Variants in SH3GL3 observed in about 807,000 individuals in gnomAD.
SH3GL3 encodes SH3 domain containing GRB2 like 3, endophilin A3.
Under a neutral mutation model 47.7 loss-of-function variants are expected in SH3GL3, and 33 were observed. The observed-to-expected ratio is 0.69, with a 90% confidence interval of 0.52 to 0.92. The LOEUF is 0.92. Ranked by LOEUF, SH3GL3 falls within the 40% of genes least tolerant of loss-of-function variation. The pLI, the probability that SH3GL3 is intolerant of heterozygous loss-of-function variation, is 0.00. For missense variants in SH3GL3, 363 were observed against 417.8 expected (o/e 0.87, Z 1.14); for synonymous variants, 155 against 148.8 (o/e 1.04, Z -0.30).
chr15:83,517,815 G>A (rs777314685), intron 1 of SH3GL3, among the ~76,000 whole-genome samples: 12 of 151,910 alleles, frequency 7.9e-5, no homozygotes, highest in African/African-American at 1.2e-4. Flanking sequence ...ATTGCATGAC[G>A]CTGAGGTTTG....
chr15:83,457,907 T>C (rs551673877), intron 1 of SH3GL3, among the ~76,000 whole-genome samples: 6 of 152,352 alleles, frequency 3.9e-5, no homozygotes, highest in African/African-American at 1.4e-4. Flanking sequence ...ACTCATGGTA[T>C]CACTTGGAAT....
At chr15:83,594,011 G>C (rs1176870919) in intron 8 of SH3GL3, among the ~76,000 whole-genome samples, 2 of 152,086 alleles carry the variant, frequency 1.3e-5, no homozygotes, top group Non-Finnish European at 2.9e-5. Context: ...TAGAGATGAG[G>C]ATTCACCCTG....
intron 1 of SH3GL3, among the ~76,000 whole-genome samples, chr15:83,529,489 C>G (rs541760544): frequency 9.2e-5 from 14 of 151,894 alleles, no homozygotes; most frequent in Non-Finnish European, 1.5e-4. Context: ...CCCAGGAGTA[C>G]AAAGATACCA....
intron 8 of SH3GL3, among the ~76,000 whole-genome samples, chr15:83,603,977 A>C (rs2060452932): frequency 6.6e-6 from 1 of 152,096 alleles, no homozygotes; most frequent in Admixed American, 6.6e-5. Context: ...TCTACTAAAA[A>C]TACAAAATTA....
intron 1 of SH3GL3, among the ~76,000 whole-genome samples, chr15:83,505,019 C>T (rs1286918220): frequency 6.6e-6 from 1 of 152,088 alleles, no homozygotes; most frequent in African/African-American, 2.4e-5. Flanking sequence ...GGTCTTATCT[C>T]GATATTAGGC....
At chr15:83,586,864 T>G (rs943862069) in intron 6 of SH3GL3, 119 bp from the exon 7 acceptor site, 4 of 512,984 alleles carry the variant, frequency 7.8e-6, no homozygotes, top group Non-Finnish European at 1.1e-5. Flanking sequence ...TTAAATGAAA[T>G]GGACCAAGGC....
chr15:83,608,228 T>C (rs1182202532), intron 8 of SH3GL3, among the ~76,000 whole-genome samples: 3 of 152,206 alleles, frequency 2.0e-5, no homozygotes, highest in East Asian at 3.8e-4. Context: ...CTGTTATTTC[T>C]AGAAAGACAG....
chr15:83,571,308 G>A (rs548493928), intron 4 of SH3GL3, among the ~76,000 whole-genome samples: 2 of 152,332 alleles, frequency 1.3e-5, no homozygotes, highest in Admixed American at 6.5e-5. Flanking sequence ...CTGACATTGT[G>A]AGACACTGGC....
chr15:83,529,611 G>T (rs1311312049), intron 1 of SH3GL3, among the ~76,000 whole-genome samples: 1 of 151,242 alleles, frequency 6.6e-6, no homozygotes, highest in South Asian at 2.1e-4. Context: ...CCTTCTGATG[G>T]TATGCACGAG....
rs913185652 is a variant in SH3GL3, at chr15:83,591,804, GC to G, written c.838+3039del. Among the ~76,000 whole-genome samples the G allele has an allele frequency of 2.6e-5, 4 of 152,134 alleles. No homozygotes were observed. In the East Asian group the frequency reaches 7.7e-4, roughly 29 times the overall value. ...GGGTTCAGGCCATTCTCCTGCCTCG[GC>G]CCCCCGAGTAGCTGAGACTACAGGC... On this transcript the variant is annotated intron_variant, in intron 8 of 8. Transcript: ENST00000427482.
chr15:83,585,933 G>GA lies in SH3GL3; in HGVS notation c.625-1048dup, dbSNP rs1596310655. On this transcript the variant is annotated intron_variant, in intron 6 of 8. Coordinates refer to ENST00000427482, the MANE Select transcript of SH3GL3 (RefSeq NM_003027.5). The stretch of plus-strand genomic sequence containing the variant: ...ACAAATGAAAGTAGCTTGGATCTTT[G>GA]AAGGCTAAGTCCATGGTTGGTTAGG... Among the ~76,000 whole-genome samples, 6 of 152,338 alleles carry GA rather than the reference G, an allele frequency of 3.9e-5. No homozygotes were observed. In the East Asian group the frequency reaches 1.2e-3, roughly 29 times the overall value.
chr15:83,483,274 C>T (rs2041449562), intron 1 of SH3GL3, among the ~76,000 whole-genome samples: 1 of 152,192 alleles, frequency 6.6e-6, no homozygotes, highest in Non-Finnish European at 1.5e-5. Context: ...GAGGGCCTTG[C>T]TCTAGACCAG....
chr15:83,501,008 A>T lies in SH3GL3; in HGVS notation c.45+53430A>T, dbSNP rs1045857420. Among the ~76,000 whole-genome samples, 5 of 152,194 alleles carry T rather than the reference A, an allele frequency of 3.3e-5. No homozygotes were observed. The South Asian group carries it at 8.3e-4, about 25-fold the overall frequency. ...TTGGAATATTTCTTGTCCTCTGTGT[A>T]TCCCTGAAACTTAGTACTTTTTGGA... On this transcript the variant is annotated intron_variant, in intron 1 of 8. Transcript: ENST00000427482.
chr15:83,497,837 A>G (rs1030525971), intron 1 of SH3GL3, among the ~76,000 whole-genome samples: 6 of 152,080 alleles, frequency 3.9e-5, no homozygotes, highest in Admixed American at 1.3e-4. Flanking sequence ...ATTTTTGACA[A>G]CTCTGCTCTG....
At chr15:83,585,565 C>G (rs192600102) in intron 6 of SH3GL3, among the ~76,000 whole-genome samples, 1 of 152,200 alleles carries the variant, frequency 6.6e-6, no homozygotes, top group African/African-American at 2.4e-5. Flanking sequence ...GTAACAAATT[C>G]TACTACGATC....
chr15:83,627,694 C>T, the SH3GL3 span, among the ~76,000 whole-genome samples: 1 of 151,990 alleles, frequency 6.6e-6, no homozygotes, highest in African/African-American at 2.4e-5. Context: ...TTTTTAAAGC[C>T]CCCAAATGAT....
intron 4 of SH3GL3, 80 bp downstream of exon 4, chr15:83,568,752 A>G: frequency 9.8e-7 from 1 of 1,021,362 alleles, no homozygotes; most frequent in South Asian, 1.6e-5. Context: ...CCTTCAGTCT[A>G]ACAACCTTTG....
chr15:83,600,115 G>A (rs915420891), intron 8 of SH3GL3, among the ~76,000 whole-genome samples: 24 of 152,140 alleles, frequency 1.6e-4, no homozygotes, highest in African/African-American at 5.6e-4. Context: ...TGTATAGATT[G>A]TGAAGATTTT....
chr15:83,582,053 A>G (rs2059842725), intron 6 of SH3GL3, among the ~76,000 whole-genome samples: 1 of 152,234 alleles, frequency 6.6e-6, no homozygotes, highest in Non-Finnish European at 1.5e-5. Flanking sequence ...CTTGGAGGAA[A>G]GTGTGGGAAA....
Sources: allele counts gnomAD v4.1 joint callset (sites outside exome capture counted in the v4.1 genomes callset), GRCh38; gene constraint gnomAD v4.1.1; transcripts MANE v1.5; gene names NCBI Gene and HGNC (gene_info 2026-07-23, HGNC 2026-07-21).